The following LRRC4C variants were observed in gnomAD, a reference collection of about 807,000 sequenced individuals.
The protein encoded by LRRC4C is leucine rich repeat containing 4C, also known as leucine-rich repeat-containing protein 4C.
LRRC4C carries 5 observed loss-of-function variants against 33.6 expected under a neutral mutation model. The ratio of observed to expected loss-of-function variants is 0.15; its 90% CI spans 0.08 to 0.31. The LOEUF is 0.31. Among genes scored for constraint, LRRC4C ranks in the 10% least tolerant of loss-of-function variants. The pLI is 1.00. For missense variants in LRRC4C, 560 were observed against 796.7 expected, an observed-to-expected ratio of 0.70 and a Z score of 3.58; for synonymous variants, 329 against 302.0, an observed-to-expected ratio of 1.09 and a Z score of -0.93.
chr11:41,284,533 C>T (rs1156307822), intron 1 of LRRC4C, among the ~76,000 whole-genome samples: 1 of 152,154 alleles, frequency 6.6e-6, no homozygotes, highest in East Asian at 1.9e-4. Context: ...TTGCTAATTA[C>T]CACTGACGTC....
chr11:40,881,225 G>A (rs866790610), intron 2 of LRRC4C, among the ~76,000 whole-genome samples: 1 of 151,954 alleles, frequency 6.6e-6, no homozygotes, highest in African/African-American at 2.4e-5. Flanking sequence ...TCTTTACAAG[G>A]TTTTTAGAAA....
chr11:40,143,051 G>A (rs1000932817), intron 5 of LRRC4C, among the ~76,000 whole-genome samples: 12 of 152,000 alleles, frequency 7.9e-5, no homozygotes, highest in African/African-American at 2.7e-4. Flanking sequence ...ACCTTGAAAC[G>A]TTTTTTTGGT....
intron 3 of LRRC4C, among the ~76,000 whole-genome samples, chr11:40,471,228 A>G (rs1952919222): frequency 1.3e-5 from 2 of 152,330 alleles, no homozygotes; most frequent in African/African-American, 4.8e-5. Context: ...AGAGGACAAT[A>G]TTCAACATTC....
chr11:41,003,394 G>C (rs1467748686), intron 1 of LRRC4C, among the ~76,000 whole-genome samples: 1 of 152,088 alleles, frequency 6.6e-6, no homozygotes, highest in Non-Finnish European at 1.5e-5. Context: ...TAACAAGATA[G>C]TATTCATATA....
intron 1 of LRRC4C, among the ~76,000 whole-genome samples, chr11:41,246,111 ACCT>A (rs1224228109): frequency 1.3e-5 from 2 of 151,766 alleles, no homozygotes; most frequent in African/African-American, 4.8e-5. Flanking sequence ...GGAGCCTGTC[ACCT>A]CCTGCTGCCG....
At chr11:40,822,898 C>A (rs1364421812) in intron 2 of LRRC4C, among the ~76,000 whole-genome samples, 1 of 151,532 alleles carries the variant, frequency 6.6e-6, no homozygotes, top group Non-Finnish European at 1.5e-5. Flanking sequence ...ATAGATCTAT[C>A]CAGTTTTCCC....
intron 3 of LRRC4C, among the ~76,000 whole-genome samples, chr11:40,432,084 T>C (rs555723328): frequency 6.6e-6 from 1 of 152,302 alleles, no homozygotes; most frequent in African/African-American, 2.4e-5. Context: ...CAGACCTCTT[T>C]GATTTTCATA....
intron 4 of LRRC4C, among the ~76,000 whole-genome samples, chr11:40,291,685 C>T (rs1944201503): frequency 6.6e-6 from 1 of 152,138 alleles, no homozygotes; most frequent in Non-Finnish European, 1.5e-5. Flanking sequence ...ACCCTTTCTC[C>T]CTCCACCCAC....
At chr11:40,979,304 T>C (rs548947062) in intron 1 of LRRC4C, among the ~76,000 whole-genome samples, 1 of 152,352 alleles carries the variant, frequency 6.6e-6, no homozygotes, top group East Asian at 1.9e-4. Flanking sequence ...TAGGGCCTAA[T>C]ATATTACAGT....
At chr11:41,090,823 TGAA>T (rs1590527034) in intron 1 of LRRC4C, among the ~76,000 whole-genome samples, 1 of 151,980 alleles carries the variant, frequency 6.6e-6, no homozygotes, top group Non-Finnish European at 1.5e-5. Context: ...AGTCACCACG[TGAA>T]GAAGGTCTTT....
chr11:40,673,490 A>AT (rs952320996), intron 2 of LRRC4C, among the ~76,000 whole-genome samples: 9 of 152,168 alleles, frequency 5.9e-5, no homozygotes, highest in African/African-American at 1.7e-4. Flanking sequence ...TAATCCTTTA[A>AT]TTTTTTTAAC....
At chr11:40,546,068 TCCTTCCTTCCTTCCTA>T (rs1351664004) in intron 3 of LRRC4C, among the ~76,000 whole-genome samples, 6 of 126,572 alleles carry the variant, frequency 4.7e-5, no homozygotes, top group South Asian at 2.5e-4. Context: ...CTTCCTTCCT[TCCTTCCTTCCTTCCTA>T]CCTTCCTTCC....
intron 3 of LRRC4C, among the ~76,000 whole-genome samples, chr11:40,504,991 G>T (rs1421985925): frequency 6.6e-6 from 1 of 152,104 alleles, no homozygotes; most frequent in African/African-American, 2.4e-5. Context: ...GCCATCTTCA[G>T]GCTCAAGTCT....
At chr11:40,171,756 G>A (rs370557999) in intron 5 of LRRC4C, among the ~76,000 whole-genome samples, 33 of 152,236 alleles carry the variant, frequency 2.2e-4, no homozygotes, top group African/African-American at 5.1e-4. Context: ...GTTGCTATTC[G>A]TTATAGTATA....
chr11:40,876,937 C>G (rs1303901386), intron 2 of LRRC4C, among the ~76,000 whole-genome samples: 1 of 150,854 alleles, frequency 6.6e-6, no homozygotes, highest in Non-Finnish European at 1.5e-5. Flanking sequence ...TTGATAGCAG[C>G]TCTCATAACT....
intron 3 of LRRC4C, among the ~76,000 whole-genome samples, chr11:40,322,202 T>C (rs1383805936): frequency 1.3e-5 from 2 of 152,176 alleles, no homozygotes; most frequent in Admixed American, 1.3e-4. Context: ...ATGGTAGCAC[T>C]GAATCCTCAA....
intron 5 of LRRC4C, among the ~76,000 whole-genome samples, chr11:40,236,248 A>T (rs1050954595): frequency 6.6e-6 from 1 of 152,216 alleles, no homozygotes; most frequent in African/African-American, 2.4e-5. Context: ...TCTCAAGTCA[A>T]TTATTTCAGA....
At chr11:40,969,565 C>A (rs1220311350) in intron 1 of LRRC4C, among the ~76,000 whole-genome samples, 2 of 152,036 alleles carry the variant, frequency 1.3e-5, no homozygotes, top group Non-Finnish European at 1.5e-5. Context: ...CAACCTTCAG[C>A]ACTCACCACC....
chr11:41,346,566 T>A (rs1951810081), intron 1 of LRRC4C, among the ~76,000 whole-genome samples: 1 of 152,188 alleles, frequency 6.6e-6, no homozygotes, highest in Admixed American at 6.5e-5. Context: ...ATCAAACCAA[T>A]ACTATTGTAA....
Sources: allele counts gnomAD v4.1 joint callset (sites outside exome capture counted in the v4.1 genomes callset), GRCh38; gene constraint gnomAD v4.1.1; transcripts MANE v1.5; gene names NCBI Gene and HGNC (gene_info 2026-07-23, HGNC 2026-07-21).